AGBL4: variants seen among roughly 807,000 people sequenced by gnomAD.
AGBL4 encodes AGBL carboxypeptidase 4.
In AGBL4, 58 loss-of-function variants were observed where a neutral mutation model predicts 66.4. The ratio of observed to expected loss-of-function variants is 0.87; its 90% CI spans 0.71 to 1.09. AGBL4 has a LOEUF of 1.09. AGBL4 is among the 50% of genes least tolerant of loss of function. The pLI is 0.00. For synonymous variants in AGBL4, 234 were observed against 222.9 expected, an observed-to-expected ratio of 1.05 and a Z score of -0.44; for missense variants, 579 against 631.0, an observed-to-expected ratio of 0.92 and a Z score of 0.88.
In AGBL4 at chr1:49,906,116, C is replaced by CTGTGTGTGTG. The variant is rs59711282; in HGVS notation, c.35-54608_35-54599dup. On this transcript the variant is annotated intron_variant, in intron 1 of 13. Coordinates refer to ENST00000371839, the MANE Select transcript of AGBL4 (RefSeq NM_032785.4). The stretch of plus-strand genomic sequence containing the variant: ...TTTTAAGATAAAGAGAAACAGGACT[C>CTGTGTGTGTG]TGTGTGTGTGTGTGTGTGTGTGTGT... Among the ~76,000 whole-genome samples the CTGTGTGTGTG allele has an allele frequency of 3.0e-3, 438 of 147,396 alleles. 2 individuals carry two copies. Among genetic ancestry groups the CTGTGTGTGTG allele is most frequent in the African/African-American group, 0.01 (409 of 40,124 alleles).
chr1:49,623,919 G>T (rs1260747723), intron 3 of AGBL4, among the ~76,000 whole-genome samples: 1 of 152,104 alleles, frequency 6.6e-6, no homozygotes, highest in African/African-American at 2.4e-5. Flanking sequence ...TTTTGGGCAA[G>T]TTACTCACAC....
chr1:48,685,453 C>G (rs745811832), intron 6 of AGBL4, among the ~76,000 whole-genome samples: 92 of 152,246 alleles, frequency 6.0e-4, no homozygotes, highest in African/African-American at 1.9e-3. Context: ...CATGACCCCC[C>G]CATAGCCATC....
intron 8 of AGBL4, among the ~76,000 whole-genome samples, chr1:48,646,155 G>A (rs913997675): frequency 6.6e-6 from 1 of 152,182 alleles, no homozygotes; most frequent in African/African-American, 2.4e-5. Flanking sequence ...GGAACAACCT[G>A]TGCCTAGAGG....
At chr1:49,994,894 G>A (rs532469098) in intron 1 of AGBL4, 29 of 349,906 alleles carry the variant, frequency 8.3e-5, no homozygotes, top group South Asian at 6.0e-4. Flanking sequence ...CCAGATCATG[G>A]GAGAAGGATT....
At chr1:49,515,473 A>G (rs1332357630) in intron 3 of AGBL4, among the ~76,000 whole-genome samples, 1 of 152,146 alleles carries the variant, frequency 6.6e-6, no homozygotes, top group African/African-American at 2.4e-5. Flanking sequence ...TGTGGAAGTT[A>G]GTGTGGCGAT....
chr1:49,742,842 T>C (rs996158938), intron 2 of AGBL4, among the ~76,000 whole-genome samples: 2 of 152,132 alleles, frequency 1.3e-5, no homozygotes, highest in Non-Finnish European at 2.9e-5. Context: ...GAAAACTGGC[T>C]AGCCATATTT....
chr1:49,442,286 A>G (rs1646052042), intron 3 of AGBL4, among the ~76,000 whole-genome samples: 1 of 152,246 alleles, frequency 6.6e-6, no homozygotes, highest in South Asian at 2.1e-4. Context: ...AATGTAACAT[A>G]TAAAATACAA....
At position 48,935,398 on chromosome 1, in the gene AGBL4, A is replaced by G. The variant is rs568803521; in HGVS notation, c.595-68168T>C. ...GCTCCCTTTTCTCTGAAATCAGTCT[A>G]CCTACAAACAGCATACACTCAGTTC... On this transcript the variant is annotated intron_variant, in intron 5 of 13. Transcript: ENST00000371839. 2.6e-5 allele frequency among the ~76,000 whole-genome samples: 4 copies of G among 152,168 alleles called. No individual in the cohort carries two copies. In the South Asian group the frequency reaches 8.3e-4, roughly 32 times the overall value.
At chr1:49,866,875 T>G (rs576032643) in intron 1 of AGBL4, among the ~76,000 whole-genome samples, 4 of 152,304 alleles carry the variant, frequency 2.6e-5, no homozygotes, top group African/African-American at 9.6e-5. Flanking sequence ...GCTGTTCCTC[T>G]TATTTAACCA....
chr1:49,115,434 A>T (rs1645498459), intron 4 of AGBL4, among the ~76,000 whole-genome samples: 1 of 152,232 alleles, frequency 6.6e-6, no homozygotes, highest in South Asian at 2.1e-4. Context: ...GTACTACTGT[A>T]ATATCATTGT....
chr1:48,823,814 T>C (rs557035893), intron 6 of AGBL4, among the ~76,000 whole-genome samples: 2 of 152,334 alleles, frequency 1.3e-5, no homozygotes, highest in African/African-American at 4.8e-5. Context: ...ATTGAACAAA[T>C]GAATGTTGAT....
intron 3 of AGBL4, among the ~76,000 whole-genome samples, chr1:49,389,080 A>T (rs1295644477): frequency 6.6e-6 from 1 of 152,150 alleles, no homozygotes; most frequent in Non-Finnish European, 1.5e-5. Flanking sequence ...GAGATAAAAC[A>T]AGGTAACTAG....
At chr1:49,349,849 A>C (rs752096206) in intron 3 of AGBL4, among the ~76,000 whole-genome samples, 4 of 152,208 alleles carry the variant, frequency 2.6e-5, no homozygotes, top group Non-Finnish European at 5.9e-5. Flanking sequence ...TGGTGTTCTT[A>C]TAAGAAAATA....
intron 3 of AGBL4, among the ~76,000 whole-genome samples, chr1:49,531,082 G>A (rs1033554129): frequency 6.6e-6 from 1 of 152,058 alleles, no homozygotes; most frequent in African/African-American, 2.4e-5. Context: ...TAAATTATAT[G>A]TGGCTTAGTA....
intron 2 of AGBL4, among the ~76,000 whole-genome samples, chr1:49,718,750 T>G (rs1349455706): frequency 6.6e-6 from 1 of 152,088 alleles, no homozygotes; most frequent in African/African-American, 2.4e-5. Context: ...TTCTTCTTTA[T>G]TTTGTCTGTA....
intron 3 of AGBL4, among the ~76,000 whole-genome samples, chr1:49,409,312 C>T (rs186824029): frequency 1.8e-4 from 28 of 152,262 alleles, no homozygotes; most frequent in African/African-American, 6.5e-4. Flanking sequence ...ACACAATTCA[C>T]ATCTAATGAG....
intron 4 of AGBL4, among the ~76,000 whole-genome samples, chr1:49,102,253 A>T (rs2148003688): frequency 6.6e-6 from 1 of 152,292 alleles, no homozygotes; most frequent in South Asian, 2.1e-4. Context: ...CAAGGTCAGT[A>T]CTATCAGACA....
At chr1:49,114,181 C>T (rs1461502238) in intron 4 of AGBL4, among the ~76,000 whole-genome samples, 1 of 152,214 alleles carries the variant, frequency 6.6e-6, no homozygotes, top group Non-Finnish European at 1.5e-5. Flanking sequence ...CCACCTTCAT[C>T]AGTCATCTTA....
chr1:48,926,608 C>G (rs1421746223), intron 5 of AGBL4, among the ~76,000 whole-genome samples: 2 of 151,972 alleles, frequency 1.3e-5, no homozygotes, highest in Non-Finnish European at 2.9e-5. Flanking sequence ...GATTTAAAAT[C>G]ATTGGGTAGC....
Sources: gnomAD v4.1 joint callset for allele counts (sites outside exome capture counted in the v4.1 genomes callset) on GRCh38, gnomAD v4.1.1 for gene constraint, MANE v1.5 for transcripts, NCBI Gene and HGNC (gene_info 2026-07-23, HGNC 2026-07-21) for gene names.